Variants in TNFAIP1 observed in about 807,000 individuals in gnomAD.
The protein encoded by TNFAIP1 is BTB/POZ domain-containing adapter for CUL3-mediated RhoA degradation protein 2.
In TNFAIP1, 20 loss-of-function variants were observed where a neutral mutation model predicts 32.6. The ratio of observed to expected loss-of-function variants is 0.61; its 90% confidence interval spans 0.43 to 0.89. The LOEUF is 0.89. Among genes scored for constraint, TNFAIP1 ranks in the 40% least tolerant of loss-of-function variants. The pLI is 0.00. For missense variants in TNFAIP1, 319 were observed against 425.1 expected, an observed-to-expected ratio of 0.75 and a Z score of 2.20; for synonymous variants, 166 against 166.8, an observed-to-expected ratio of 1.00 and a Z score of 0.04.
chr17:28,344,708 C>A lies in TNFAIP1; in HGVS notation c.*108C>A. 8.7e-7 allele frequency: 1 copy of A among 1,143,582 alleles called. No individual in the cohort carries two copies. The highest frequency in any genetic ancestry group is 1.3e-6 in the Non-Finnish European group (1 of 788,074). 70.8% of individuals were successfully genotyped at this position (1,143,582 alleles called of 1,614,324 possible). On this transcript the variant is annotated 3_prime_UTR_variant, in exon 7 of 7. Coordinates refer to ENST00000226225, the MANE Select transcript of TNFAIP1 (RefSeq NM_021137.5). Reference sequence around the variant, plus strand: ...CTGCCTGGGTCTCTGCTCTAGCACCCAGAGGCATGACAGGCCCTGCTCAGA... The same window carrying A: ...CTGCCTGGGTCTCTGCTCTAGCACCAAGAGGCATGACAGGCCCTGCTCAGA...
chr17:28,338,043 T>G (rs1907237143), intron 1 of TNFAIP1, among the ~76,000 whole-genome samples: 1 of 152,246 alleles, frequency 6.6e-6, no homozygotes, highest in African/African-American at 2.4e-5. Flanking sequence ...TTCTTTGAAC[T>G]GTTTGAAGGC....
At position 28,342,143 on chromosome 17, in the gene TNFAIP1, G is replaced by A. The variant is rs1907382933; in HGVS notation, c.519-104G>A. 3.7e-6 allele frequency: 4 copies of A among 1,075,650 alleles called. No individual in the cohort carries two copies. The South Asian group carries it at 5.4e-5, about 14-fold the overall frequency. The allele number at this position is 1,075,650 out of a possible 1,614,324, so 66.6% of individuals were successfully genotyped here. A position where few individuals can be genotyped will look rare whatever the true frequency, so the allele number is the denominator to read the frequency against. ...CTGGCATCTTGCTTTCATTTCGGCAGGACAGGATGGGGGAAGGGAGGGAGG... is the reference window on the plus strand; with the variant it reads ...CTGGCATCTTGCTTTCATTTCGGCAAGACAGGATGGGGGAAGGGAGGGAGG... On this transcript the variant is annotated intron_variant, in intron 5 of 6. Transcript: ENST00000226225. This position sits in a 1 kb window ranked among gnomAD's most constrained non-coding sequence, Gnocchi z 4.0.
rs1396223321 is a variant in TNFAIP1, at chr17:28,346,008, G to A, written c.*1408G>A. 1 of 152,224 alleles carries A rather than the reference G, an allele frequency of 6.6e-6. No homozygotes were observed. The highest frequency in any genetic ancestry group is 2.4e-5 in the African/African-American group (1 of 41,456). 9.4% of individuals were successfully genotyped at this position (152,224 alleles called of 1,614,324 possible). On this transcript the variant is annotated 3_prime_UTR_variant, in exon 7 of 7. Coordinates refer to ENST00000226225, the MANE Select transcript of TNFAIP1 (RefSeq NM_021137.5). ...TAACAAAGCAACGTAGCCACGTATA[G>A]TACCCACTTTCTGCTCTTTGGAGAG...
Position 28,342,436 on chromosome 17 carries a change from G to T in TNFAIP1, c.708G>T (p.Gln236His). Residue 236 changes from glutamine to histidine, a missense_variant, in exon 6 of 7, where the codon CAG becomes CAT. Physicochemically the swap from Gln to His is conservative, Grantham distance 24 (BLOSUM62 0). Transcript: ENST00000226225. The surrounding 1 kb of genome is among the most constrained non-coding windows in gnomAD (Gnocchi z 4.0). The part of the protein sequence containing the change: ...TSIVYATEKK[Q>H]TKVEFPEARI... ...TCGTGTATGCCACGGAGAAGAAGCA[G>T]ACCAAGGTGTGGGGGATTGCCCCTG... 6.3e-7 allele frequency: 1 copy of T among 1,581,720 alleles called. No individual in the cohort carries two copies.
chr17:28,343,159 A>C (rs1225287271), intron 6 of TNFAIP1, among the ~76,000 whole-genome samples: 3 of 152,138 alleles, frequency 2.0e-5, no homozygotes, highest in African/African-American at 7.2e-5. Flanking sequence ...ACTTTTAATA[A>C]TAATAAAATA....
chr17:28,341,429 G>C lies in TNFAIP1; in HGVS notation c.491G>C (p.Arg164Thr). 1 of 1,614,210 alleles carries C rather than the reference G, an allele frequency of 6.2e-7. No individual in the cohort carries two copies. The highest frequency in any genetic ancestry group is 8.5e-7 in the Non-Finnish European group (1 of 1,180,036). The part of the protein sequence containing the change: ...TKPVVKLLYN[R>T]SNNKYSYTSN... ...CCCGTGGTGAAGCTGCTGTACAACA[G>C]AAGCAACAACAAGTATTCCTACACC... Residue 164 changes from arginine to threonine, a missense_variant, in exon 5 of 7, where the codon AGA becomes ACA. Arg to Thr is a moderately conservative substitution (Grantham distance 71). Coordinates refer to ENST00000226225, the MANE Select transcript of TNFAIP1 (RefSeq NM_021137.5).
At chr17:28,337,212 C>G (rs563465922) in intron 1 of TNFAIP1, among the ~76,000 whole-genome samples, 2 of 152,158 alleles carry the variant, frequency 1.3e-5, no homozygotes, top group South Asian at 4.1e-4. Flanking sequence ...TCAAAATACA[C>G]TACAAGCAAG....
Position 28,343,272 on chromosome 17 carries a change from G to C in TNFAIP1, c.714+830G>C, listed in dbSNP as rs3093691. On this transcript the variant is annotated intron_variant, in intron 6 of 6. Transcript: ENST00000226225. The stretch of plus-strand genomic sequence containing the variant: ...TAGGTGACAGTCATCACAAACTCAG[G>C]TGGCCCCTCTCCCCCAGGCTGCAGT... Among the ~76,000 whole-genome samples the C allele has an allele frequency of 6.4e-3, 980 of 152,244 alleles. 14 individuals are homozygous for C. The highest frequency in any genetic ancestry group is 0.023 in the African/African-American group (937 of 41,534).
rs3093704 is a variant in TNFAIP1, at chr17:28,346,290, A to T, written c.*1690A>T. 16,988 of 152,254 alleles carry T rather than the reference A, an allele frequency of 0.11. 1,124 individuals are homozygous for T. The highest frequency in any genetic ancestry group is 0.23 in the East Asian group (1,197 of 5,182). The allele number at this position is 152,254 out of a possible 1,614,324, so 9.4% of individuals were successfully genotyped here. ...TTCCAGCCCTCATTGAGGTAACAAG[A>T]TAAAGACAAATCCACTTCTTTGGCC... On this transcript the variant is annotated 3_prime_UTR_variant, in exon 7 of 7. Coordinates refer to ENST00000226225, the MANE Select transcript of TNFAIP1 (RefSeq NM_021137.5).
In TNFAIP1 at chr17:28,342,375, A is replaced by G; in HGVS notation, c.647A>G (p.Gln216Arg). The part of the protein sequence containing the change: ...DEICCWSFYG[Q>R]GRKLAEVCCT... Reference sequence around the variant, plus strand: ...ATCTGCTGCTGGTCCTTTTATGGCCAGGGCCGTAAGCTGGCAGAGGTGTGC... The same window carrying G: ...ATCTGCTGCTGGTCCTTTTATGGCCGGGGCCGTAAGCTGGCAGAGGTGTGC... Residue 216 changes from glutamine to arginine, a missense_variant, in exon 6 of 7, where the codon CAG becomes CGG. By Grantham distance (43) the Gln-to-Arg change is conservative (BLOSUM62 1). Coordinates refer to ENST00000226225, the MANE Select transcript of TNFAIP1 (RefSeq NM_021137.5). The surrounding 1 kb of genome is among the most constrained non-coding windows in gnomAD (Gnocchi z 4.0). 6.2e-7 allele frequency: 1 copy of G among 1,606,938 alleles called. No homozygotes were observed. Among genetic ancestry groups the G allele is most frequent in the Non-Finnish European group, 8.5e-7 (1 of 1,173,896 alleles).
At chr17:28,338,141 C>T (rs1370274366) in intron 1 of TNFAIP1, among the ~76,000 whole-genome samples, 2 of 152,114 alleles carry the variant, frequency 1.3e-5, no homozygotes, top group African/African-American at 4.8e-5. Context: ...TGAGCTAGTA[C>T]ATATTAAATG....
chr17:28,341,350 G>T (rs782758721), intron 4 of TNFAIP1, 24 bp downstream of exon 4: 1 of 1,614,180 alleles, frequency 6.2e-7, no homozygotes, highest in Non-Finnish European at 8.5e-7. Flanking sequence ...TGAGGGGTGC[G>T]GGCCGGGGAT....
Position 28,344,662 on chromosome 17 carries a change from A to G in TNFAIP1, c.*62A>G. On this transcript the variant is annotated 3_prime_UTR_variant, in exon 7 of 7. Coordinates refer to ENST00000226225, the MANE Select transcript of TNFAIP1 (RefSeq NM_021137.5). ...TCTCCCATCCTGTGGAACCCGCCCC[A>G]TTGGCCACCCCATGCTGCTGCTGCC... 7 of 1,528,280 alleles carry G rather than the reference A, an allele frequency of 4.6e-6. No homozygotes were observed. Among genetic ancestry groups the G allele is most frequent in the Non-Finnish European group, 6.3e-6 (7 of 1,115,362 alleles). 94.7% of individuals were successfully genotyped at this position (1,528,280 alleles called of 1,614,324 possible). A position where few individuals can be genotyped will look rare whatever the true frequency, so the allele number is the denominator to read the frequency against.
At position 28,339,395 on chromosome 17, in the gene TNFAIP1, C is replaced by A; in HGVS notation, c.-114-13C>A. ...AGCTGGTTCGTGTCTTCTCTTCCCTCTCCCATGTACAGCACTGAGATTATG... is the reference window on the plus strand; with the variant it reads ...AGCTGGTTCGTGTCTTCTCTTCCCTATCCCATGTACAGCACTGAGATTATG... On this transcript the variant is annotated splice_polypyrimidine_tract_variant and intron_variant, in intron 1 of 6. Transcript: ENST00000226225. 1.1e-6 allele frequency: 1 copy of A among 894,798 alleles called. No individual in the cohort carries two copies. Among genetic ancestry groups the A allele is most frequent in the Non-Finnish European group, 1.6e-6 (1 of 624,740 alleles). The allele number at this position is 894,798 out of a possible 1,614,324, so 55.4% of individuals were successfully genotyped here.
At chr17:28,341,615 C>T (rs1226074240) in intron 5 of TNFAIP1, among the ~76,000 whole-genome samples, 159 bp downstream of exon 5, 2 of 152,334 alleles carry the variant, frequency 1.3e-5, no homozygotes, top group East Asian at 3.9e-4. Flanking sequence ...GGGACAGAGG[C>T]CTTTGGAACT....
rs782404890 is a variant in TNFAIP1, at chr17:28,341,454, C to T, written c.516C>T (p.Thr172=). The T allele has an allele frequency of 6.2e-7, 1 of 1,614,070 alleles. No individual in the cohort carries two copies. Residue 172 remains threonine (T), a splice_region_variant and synonymous_variant, in exon 5 of 7, where the codon ACC becomes ACT. Transcript: ENST00000226225. Reference sequence around the variant, plus strand: ...GAAGCAACAACAAGTATTCCTACACCAGGTAGGGTGCGTCACAGGGCTCAA... The same window carrying T: ...GAAGCAACAACAAGTATTCCTACACTAGGTAGGGTGCGTCACAGGGCTCAA... ...YNRSNNKYSY[T]SNSDDHLLKN...
At chr17:28,344,278 T>TATGGAGCCTC (rs1377216035) in intron 6 of TNFAIP1, 86 bp from the exon 7 acceptor site, 5 of 1,211,266 alleles carry the variant, frequency 4.1e-6, no homozygotes, top group Non-Finnish European at 4.8e-6. Flanking sequence ...GCGGAGGCCT[T>TATGGAGCCTC]ATGGAGCCTC....
In TNFAIP1 at chr17:28,342,612, T is replaced by C. The variant is rs1325551420; in HGVS notation, c.714+170T>C. 1 of 624,798 alleles carries C rather than the reference T, an allele frequency of 1.6e-6. No individual in the cohort carries two copies. Among genetic ancestry groups the C allele is most frequent in the Admixed American group, 3.0e-5 (1 of 33,406 alleles). 38.7% of individuals were successfully genotyped at this position (624,798 alleles called of 1,614,324 possible). A position where few individuals can be genotyped will look rare whatever the true frequency, so the allele number is the denominator to read the frequency against. On this transcript the variant is annotated intron_variant, in intron 6 of 6. Transcript: ENST00000226225. The surrounding 1 kb of genome is among the most constrained non-coding windows in gnomAD (Gnocchi z 4.0). ...AGGCCAGAACAAGGGGTGTGGGGAA[T>C]GGACGGGAACTGCTTTGTTCCTGAC...
chr17:28,341,156 C>A, intron 3 of TNFAIP1, 81 bp from the exon 4 acceptor site: 4 of 1,484,238 alleles, frequency 2.7e-6, no homozygotes, highest in Non-Finnish European at 3.8e-6. Context: ...GTGGCCATGG[C>A]AGAGGGGCTC....
Sources: allele counts gnomAD v4.1 joint callset (sites outside exome capture counted in the v4.1 genomes callset), GRCh38; gene constraint gnomAD v4.1.1; non-coding constraint Gnocchi (gnomAD v3.1); transcripts MANE v1.5; gene names NCBI Gene and HGNC (gene_info 2026-07-23, HGNC 2026-07-21).